Variants in UNC13C observed in about 807,000 individuals in gnomAD.
UNC13C encodes protein unc-13 homolog C.
A neutral mutation model predicts 245.4 loss-of-function variants in UNC13C; 174 were observed. The ratio of observed to expected loss-of-function variants is 0.71; its 90% CI spans 0.63 to 0.80. UNC13C has a LOEUF of 0.80. UNC13C is among the 30% of genes least tolerant of loss of function. The pLI is 0.00. For synonymous variants in UNC13C, 992 were observed against 895.1 expected (o/e 1.11, Z -1.93); for missense variants, 2,829 against 2,602.9 (o/e 1.09, Z -1.89).
intron 20 of UNC13C, among the ~76,000 whole-genome samples, chr15:54,495,342 C>G (rs943563158): frequency 6.6e-6 from 1 of 151,996 alleles, no homozygotes; most frequent in African/African-American, 2.4e-5. Flanking sequence ...GGAACTTATA[C>G]TCTAGGAGAT....
At chr15:53,911,731 T>G in the UNC13C span, 1 of 151,912 alleles carries the variant, frequency 6.6e-6, no homozygotes, top group African/African-American at 2.4e-5. Context: ...AAACTGTGAG[T>G]AAATGGCAAT....
At chr15:54,280,727 T>TAC (rs1426509872) in intron 10 of UNC13C, among the ~76,000 whole-genome samples, 3 of 115,882 alleles carry the variant, frequency 2.6e-5, no homozygotes, top group East Asian at 2.2e-4. Flanking sequence ...TATATAAACA[T>TAC]ATGTATACAT....
At chr15:54,350,575 A>G (rs1203275874) in intron 17 of UNC13C, among the ~76,000 whole-genome samples, 1 of 152,214 alleles carries the variant, frequency 6.6e-6, no homozygotes, top group Non-Finnish European at 1.5e-5. Context: ...AAAATATGCT[A>G]TATTTGTGGT....
chr15:54,030,589 C>T (rs1421152241), intron 2 of UNC13C, among the ~76,000 whole-genome samples: 1 of 152,156 alleles, frequency 6.6e-6, no homozygotes, highest in African/African-American at 2.4e-5. Context: ...TTCCATCATC[C>T]TCTTCTTACC....
At chr15:54,026,935 A>G (rs1430734791) in intron 2 of UNC13C, among the ~76,000 whole-genome samples, 2 of 152,192 alleles carry the variant, frequency 1.3e-5, no homozygotes, top group South Asian at 2.1e-4. Context: ...AAATTACACA[A>G]ATATATTGTT....
intron 2 of UNC13C, among the ~76,000 whole-genome samples, chr15:54,087,601 A>C (rs990846104): frequency 8.5e-5 from 13 of 152,172 alleles, no homozygotes; most frequent in Admixed American, 7.9e-4. Flanking sequence ...TACAGGCTTA[A>C]ATTAGTGTGA....
At chr15:54,016,869 T>G (rs1895683772) in intron 2 of UNC13C, among the ~76,000 whole-genome samples, 1 of 152,208 alleles carries the variant, frequency 6.6e-6, no homozygotes, top group Non-Finnish European at 1.5e-5. Flanking sequence ...TTAATTAAGC[T>G]ATTACTCTAC....
chr15:54,421,763 T>C (rs556637457), intron 19 of UNC13C, among the ~76,000 whole-genome samples: 54 of 152,214 alleles, frequency 3.5e-4, no homozygotes, highest in Non-Finnish European at 7.1e-4. Context: ...AAACTTGGTT[T>C]ATTTGATAAA....
chr15:53,855,155 G>C, the UNC13C span, among the ~76,000 whole-genome samples: 2 of 152,098 alleles, frequency 1.3e-5, no homozygotes, highest in Non-Finnish European at 1.5e-5. Flanking sequence ...TGTATTCTGA[G>C]GCTTTCTGAA....
chr15:53,981,188 C>T (rs757359788), intron 1 of UNC13C, among the ~76,000 whole-genome samples: 3 of 152,174 alleles, frequency 2.0e-5, no homozygotes, highest in African/African-American at 7.2e-5. Context: ...AATGCATAAA[C>T]CCTGCCATAA....
intron 2 of UNC13C, among the ~76,000 whole-genome samples, chr15:54,096,725 G>A (rs527399376): frequency 6.8e-4 from 103 of 152,168 alleles, no homozygotes; most frequent in African/African-American, 2.2e-3. Flanking sequence ...TCTTGTACTC[G>A]TCTTCCTCCT....
At chr15:54,221,482 A>T (rs1484502547) in intron 4 of UNC13C, among the ~76,000 whole-genome samples, 3 of 151,600 alleles carry the variant, frequency 2.0e-5, no homozygotes, top group Non-Finnish European at 4.4e-5. Context: ...AAATTATATT[A>T]TATATATAAA....
intron 4 of UNC13C, among the ~76,000 whole-genome samples, chr15:54,196,966 G>A (rs77575440): frequency 0.03 from 4,565 of 152,044 alleles, 232 homozygotes; most frequent in African/African-American, 0.11. Context: ...GAGATTCTAA[G>A]GAGCACCATA....
chr15:54,608,240 G>T (rs74014260), intron 30 of UNC13C, among the ~76,000 whole-genome samples: 4,300 of 152,160 alleles, frequency 0.028, 207 homozygotes, highest in African/African-American at 0.098. Context: ...AAAACAAAAA[G>T]ACGTAAAGGA....
intron 19 of UNC13C, among the ~76,000 whole-genome samples, chr15:54,481,573 C>G (rs1893121641): frequency 1.3e-5 from 2 of 152,100 alleles, no homozygotes; most frequent in Admixed American, 1.3e-4. Context: ...GCAGCAGTGG[C>G]TTTCAGGGCG....
chr15:54,463,743 C>G (rs748044582), intron 19 of UNC13C, among the ~76,000 whole-genome samples: 2 of 152,100 alleles, frequency 1.3e-5, no homozygotes, highest in Admixed American at 6.5e-5. Flanking sequence ...TCAGTTAGAC[C>G]AAGAACCCAC....
chr15:54,452,362 C>G (rs890830462), intron 19 of UNC13C, among the ~76,000 whole-genome samples: 5 of 152,144 alleles, frequency 3.3e-5, no homozygotes, highest in Admixed American at 1.3e-4. Flanking sequence ...GCTCAATGCT[C>G]TGGTTCCCAA....
At chr15:54,319,451 T>G (rs982183077) in intron 13 of UNC13C, among the ~76,000 whole-genome samples, 2 of 151,940 alleles carry the variant, frequency 1.3e-5, no homozygotes, top group Non-Finnish European at 2.9e-5. Flanking sequence ...ACACTTATCA[T>G]TTCCTTAAAG....
At chr15:54,495,717 T>C (rs1402417368) in intron 20 of UNC13C, among the ~76,000 whole-genome samples, 1 of 152,022 alleles carries the variant, frequency 6.6e-6, no homozygotes, top group Non-Finnish European at 1.5e-5. Flanking sequence ...TAGATTGTTA[T>C]AAATAAATAT....
Sources: gnomAD v4.1 joint callset for allele counts (sites outside exome capture counted in the v4.1 genomes callset) on GRCh38, gnomAD v4.1.1 for gene constraint, MANE v1.5 for transcripts, NCBI Gene and HGNC (gene_info 2026-07-23, HGNC 2026-07-21) for gene names.